Variants in NETO2 observed in about 807,000 individuals in gnomAD.
The protein encoded by NETO2 is neuropilin and tolloid-like protein 2.
A neutral mutation model predicts 62.5 loss-of-function variants in NETO2; 28 were observed. That is an observed-to-expected ratio of 0.45 (90% confidence interval 0.33 to 0.61). The LOEUF (loss-of-function observed/expected upper bound fraction) is 0.61, where lower values mean the gene tolerates loss of function less well. Ranked by LOEUF, NETO2 falls within the 20% of genes least tolerant of loss-of-function variation. The pLI, the probability that NETO2 is intolerant of heterozygous loss-of-function variation, is 0.02. For missense variants in NETO2, 548 were observed against 643.2 expected (o/e 0.85, Z 1.60); for synonymous variants, 214 against 219.1 (o/e 0.98, Z 0.21).
At chr16:47,102,742 C>T (rs1397557542) in intron 7 of NETO2, among the ~76,000 whole-genome samples, 2 of 152,050 alleles carry the variant, frequency 1.3e-5, no homozygotes, top group Non-Finnish European at 2.9e-5. Context: ...CCACAATGAG[C>T]TACCATCTCA....
At chr16:47,094,263 A>T (rs1338549538) in intron 7 of NETO2, among the ~76,000 whole-genome samples, 1 of 137,780 alleles carries the variant, frequency 7.3e-6, no homozygotes, top group Admixed American at 7.2e-5. Context: ...TATCACTTGG[A>T]TTTTTTTTTT....
chr16:47,132,150 C>T (rs1964279356), intron 1 of NETO2, 125 bp from the exon 2 acceptor site: 1 of 713,506 alleles, frequency 1.4e-6, no homozygotes, highest in East Asian at 2.9e-5. Flanking sequence ...TCAAAATTCA[C>T]TCTCAAGATC....
rs557493968 is a variant in NETO2 at position 47,095,899 on chromosome 16, C to T, written c.884-9560G>A. 8.3e-4 allele frequency among the ~76,000 whole-genome samples: 127 copies of T among 152,172 alleles called. 2 individuals are homozygous for T. The highest frequency in any genetic ancestry group is 2.7e-3 in the African/African-American group (111 of 41,520). ...ATCAGACAGTCTCTAGAATAGACTA[C>T]GTATGTTCAGCCACAAAACAAGTCT... On this transcript the variant is annotated intron_variant, in intron 7 of 8. Transcript: ENST00000562435.
At chr16:47,095,671 T>C (rs142721570) in intron 7 of NETO2, among the ~76,000 whole-genome samples, 228 of 152,260 alleles carry the variant, frequency 1.5e-3, no homozygotes, top group Non-Finnish European at 1.6e-3. Flanking sequence ...GAAACAAACA[T>C]TGATAGAACT....
chr16:47,103,388 T>C (rs547248824), intron 7 of NETO2, among the ~76,000 whole-genome samples: 1 of 152,268 alleles, frequency 6.6e-6, no homozygotes, highest in South Asian at 2.1e-4. Context: ...TATACCTATG[T>C]AACAAACCTG....
intron 1 of NETO2, among the ~76,000 whole-genome samples, chr16:47,139,547 C>T (rs992708506): frequency 2.0e-5 from 3 of 152,198 alleles, no homozygotes; most frequent in African/African-American, 7.2e-5. Flanking sequence ...TTACCATTTC[C>T]TATAATGACA....
Position 47,121,606 on chromosome 16 carries a change from T to C in NETO2, c.654+1051A>G, listed in dbSNP as rs552419977. The stretch of plus-strand genomic sequence containing the variant: ...CATCAGCATGTGGTAGTGAAACATT[T>C]TTTCTAATCTATGCTTTCATGTGAG... On this transcript the variant is annotated intron_variant, in intron 6 of 8. Coordinates refer to ENST00000562435, the MANE Select transcript of NETO2 (RefSeq NM_018092.5). 5.3e-5 allele frequency among the ~76,000 whole-genome samples: 8 copies of C among 152,340 alleles called. No individual in the cohort carries two copies. The East Asian group carries it at 1.5e-3, about 29-fold the overall frequency.
At chr16:47,140,406 G>A (rs1596755283) in intron 1 of NETO2, among the ~76,000 whole-genome samples, 1 of 152,136 alleles carries the variant, frequency 6.6e-6, no homozygotes, top group Non-Finnish European at 1.5e-5. Flanking sequence ...AGAGAAGGAG[G>A]TAGTCTATTG....
At chr16:47,128,709 A>G in intron 3 of NETO2, 136 bp from the exon 4 acceptor site, 2 of 884,860 alleles carry the variant, frequency 2.3e-6, no homozygotes, top group South Asian at 3.4e-5. Context: ...ATTGCTATAC[A>G]AGTCATGATA....
chr16:47,095,288 T>C (rs1232163135), intron 7 of NETO2, among the ~76,000 whole-genome samples: 1 of 151,654 alleles, frequency 6.6e-6, no homozygotes, highest in East Asian at 1.9e-4. Context: ...AAGGCAGTAA[T>C]GGAGGAAATG....
In NETO2 at chr16:47,143,733, T is replaced by TC. The variant is rs1396782793; in HGVS notation, c.-122dup. The TC allele has an allele frequency of 4.3e-6, 5 of 1,161,804 alleles. No homozygotes were observed. The highest frequency in any genetic ancestry group is 5.4e-6 in the Non-Finnish European group (5 of 931,678). 72.0% of individuals were successfully genotyped at this position (1,161,804 alleles called of 1,614,324 possible). A position where few individuals can be genotyped will look rare whatever the true frequency, so the allele number is the denominator to read the frequency against. ...TCCCCATCGCCGGCCAGCAGCTGCCTCCCCGCTCCCCTGAGGAGAGCTCAG... is the reference window on the plus strand; with the variant it reads ...TCCCCATCGCCGGCCAGCAGCTGCCTCCCCCGCTCCCCTGAGGAGAGCTCAG... On this transcript the variant is annotated 5_prime_UTR_variant, in exon 1 of 9. Transcript: ENST00000562435.
chr16:47,123,026 G>T, intron 4 of NETO2, 114 bp from the exon 5 acceptor site: 1 of 939,820 alleles, frequency 1.1e-6, no homozygotes, highest in Non-Finnish European at 1.6e-6. Flanking sequence ...AGCTTTCATT[G>T]GTGAAAACTA....
chr16:47,141,949 T>C (rs1187562325), intron 1 of NETO2, among the ~76,000 whole-genome samples: 1 of 152,148 alleles, frequency 6.6e-6, no homozygotes, highest in Non-Finnish European at 1.5e-5. Context: ...GCCCCTACCC[T>C]ATCCAGCTCG....
At chr16:47,133,314 C>T (rs1964303912) in intron 1 of NETO2, among the ~76,000 whole-genome samples, 1 of 151,904 alleles carries the variant, frequency 6.6e-6, no homozygotes, top group Non-Finnish European at 1.5e-5. Context: ...GTGGCTCATG[C>T]CTGCAAATCC....
chr16:47,088,643 ATCTT>A (rs1963249307), intron 7 of NETO2, among the ~76,000 whole-genome samples: 1 of 152,070 alleles, frequency 6.6e-6, no homozygotes, highest in Non-Finnish European at 1.5e-5. Flanking sequence ...TCTAAATATT[ATCTT>A]TCTTTTAATA....
chr16:47,085,675 C>T (rs1040730053), intron 8 of NETO2, among the ~76,000 whole-genome samples: 1 of 152,050 alleles, frequency 6.6e-6, no homozygotes, highest in African/African-American at 2.4e-5. Context: ...TAAGCCACCG[C>T]GCCTGGCCAC....
At chr16:47,143,070 C>T (rs986207616) in intron 1 of NETO2, among the ~76,000 whole-genome samples, 1 of 151,966 alleles carries the variant, frequency 6.6e-6, no homozygotes, top group Admixed American at 6.6e-5. Context: ...GCTGGCCCAG[C>T]AGGCCCCGTT....
intron 6 of NETO2, among the ~76,000 whole-genome samples, chr16:47,111,979 G>A (rs1027830343): frequency 2.0e-5 from 3 of 152,136 alleles, no homozygotes; most frequent in Non-Finnish European, 4.4e-5. Context: ...GAAATCCCCA[G>A]AAAGCTACTA....
chr16:47,138,071 G>C (rs1447408362), intron 1 of NETO2, among the ~76,000 whole-genome samples: 2 of 152,156 alleles, frequency 1.3e-5, no homozygotes, highest in African/African-American at 4.8e-5. Flanking sequence ...TATCAAGAAT[G>C]ATGACTTGAT....
Sources: allele counts gnomAD v4.1 joint callset (sites outside exome capture counted in the v4.1 genomes callset), GRCh38; gene constraint gnomAD v4.1.1; transcripts MANE v1.5; gene names NCBI Gene and HGNC (gene_info 2026-07-23, HGNC 2026-07-21).